The following EFNA5 variants were observed in gnomAD, a reference collection of about 807,000 sequenced individuals.
EFNA5 encodes the protein ephrin-A5.
In EFNA5, 5 loss-of-function variants were observed where a neutral mutation model predicts 22.9. The observed-to-expected ratio is 0.22, with a 90% CI of 0.11 to 0.46. The LOEUF is 0.46. Among genes scored for constraint, EFNA5 ranks in the 20% least tolerant of loss-of-function variants. The pLI, the probability that EFNA5 is intolerant of heterozygous loss-of-function variation, is 0.99. For synonymous variants in EFNA5, 113 were observed against 112.2 expected, an observed-to-expected ratio of 1.01 and a Z score of -0.04; for missense variants, 237 against 293.3, an observed-to-expected ratio of 0.81 and a Z score of 1.40.
intron 1 of EFNA5, among the ~76,000 whole-genome samples, chr5:107,571,686 G>A (rs924807322): frequency 6.6e-6 from 1 of 152,124 alleles, no homozygotes; most frequent in South Asian, 2.1e-4. Context: ...GAATTTTCAT[G>A]ATCCAGTTTC....
chr5:107,528,708 T>C (rs2112449995), intron 1 of EFNA5, among the ~76,000 whole-genome samples: 1 of 152,348 alleles, frequency 6.6e-6, no homozygotes, highest in East Asian at 1.9e-4. Context: ...GTTTAACATT[T>C]CTCTCAGTGA....
At chr5:107,492,788 C>A (rs1487884453) in intron 1 of EFNA5, among the ~76,000 whole-genome samples, 1 of 152,130 alleles carries the variant, frequency 6.6e-6, no homozygotes, top group Non-Finnish European at 1.5e-5. Flanking sequence ...CATCTGAGGT[C>A]AGGAGTTTGA....
intron 1 of EFNA5, among the ~76,000 whole-genome samples, chr5:107,503,606 T>G (rs895122528): frequency 6.6e-6 from 1 of 152,252 alleles, no homozygotes; most frequent in Non-Finnish European, 1.5e-5. Flanking sequence ...TAGTAAGAAC[T>G]GTGCCACCCA....
intron 1 of EFNA5, among the ~76,000 whole-genome samples, chr5:107,572,281 A>C (rs1486667015): frequency 6.6e-6 from 1 of 152,114 alleles, no homozygotes; most frequent in African/African-American, 2.4e-5. Flanking sequence ...GGAAGGAGAA[A>C]GGAGCTCTGG....
At chr5:107,645,449 C>T (rs933525577) in intron 1 of EFNA5, among the ~76,000 whole-genome samples, 15 of 152,110 alleles carry the variant, frequency 9.9e-5, no homozygotes, top group Non-Finnish European at 1.9e-4. Context: ...AATAACTCTG[C>T]CAAATTTATA....
At chr5:107,638,268 T>C (rs937588023) in intron 1 of EFNA5, among the ~76,000 whole-genome samples, 4 of 152,122 alleles carry the variant, frequency 2.6e-5, no homozygotes, top group Admixed American at 2.6e-4. Flanking sequence ...CAACACCGCG[T>C]GATCTCACTT....
chr5:107,524,769 G>A (rs527288886), intron 1 of EFNA5, among the ~76,000 whole-genome samples: 18 of 152,126 alleles, frequency 1.2e-4, no homozygotes, highest in Admixed American at 1.2e-3. Context: ...GTGCAGAAGG[G>A]ATGTCCTTTT....
chr5:107,476,057 T>TATATATATATGTATATATATATATATATG, intron 1 of EFNA5, among the ~76,000 whole-genome samples: 6 of 100,430 alleles, frequency 6.0e-5, no homozygotes, highest in Non-Finnish European at 1.1e-4. Flanking sequence ...TATATATATA[T>TATATATATATGTATATATATATATATATG]TTTTTTTTTT....
chr5:107,437,825 C>A (rs1749156422), intron 1 of EFNA5, among the ~76,000 whole-genome samples: 2 of 152,106 alleles, frequency 1.3e-5, no homozygotes, highest in Middle Eastern at 3.4e-3. Flanking sequence ...ATATTATAAA[C>A]AAAGGTCAAG....
intron 1 of EFNA5, among the ~76,000 whole-genome samples, chr5:107,666,912 T>C (rs1017225073): frequency 3.3e-5 from 5 of 152,120 alleles, no homozygotes; most frequent in African/African-American, 1.2e-4. Context: ...TAAGCATAGC[T>C]ACTAAAGGAG....
chr5:107,383,583 C>T (rs112899736), intron 4 of EFNA5, among the ~76,000 whole-genome samples: 1,814 of 152,330 alleles, frequency 0.012, 25 homozygotes, highest in Admixed American at 0.015. Flanking sequence ...CATACTTAAA[C>T]ACCTGAAATT....
chr5:107,433,131 A>T (rs1435161957), intron 1 of EFNA5, among the ~76,000 whole-genome samples: 1 of 152,152 alleles, frequency 6.6e-6, no homozygotes, highest in Non-Finnish European at 1.5e-5. Flanking sequence ...AGGAGTCAAA[A>T]GTTATACCTG....
intron 1 of EFNA5, among the ~76,000 whole-genome samples, chr5:107,600,648 C>T (rs889063444): frequency 1.3e-5 from 2 of 151,606 alleles, no homozygotes; most frequent in Admixed American, 1.3e-4. Flanking sequence ...CACCATGCCC[C>T]CTTAATTTTT....
At chr5:107,587,471 T>C (rs1173770364) in intron 1 of EFNA5, among the ~76,000 whole-genome samples, 1 of 152,216 alleles carries the variant, frequency 6.6e-6, no homozygotes, top group Non-Finnish European at 1.5e-5. Context: ...TATCATGCTC[T>C]AAGACAATGA....
chr5:107,638,368 A>C (rs903543008), intron 1 of EFNA5, among the ~76,000 whole-genome samples: 5 of 152,200 alleles, frequency 3.3e-5, no homozygotes, highest in Non-Finnish European at 5.9e-5. Context: ...GAAAGTAGAG[A>C]GATGTTAGTC....
rs576760759 is a variant in EFNA5, at chr5:107,411,840, G to A, written c.418+15377C>T. Among the ~76,000 whole-genome samples, 74 of 152,266 alleles carry A rather than the reference G, an allele frequency of 4.9e-4. 1 individual carries two copies. The highest frequency in any genetic ancestry group is 3.4e-3 in the Middle Eastern group (1 of 294). Reference sequence around the variant, plus strand: ...TCCTGCCTTGGCTTCCTAAAGCACTGGAATTACAAGGTGTGAGCCAACATA... The same window carrying A: ...TCCTGCCTTGGCTTCCTAAAGCACTAGAATTACAAGGTGTGAGCCAACATA... On this transcript the variant is annotated intron_variant, in intron 2 of 4. Transcript: ENST00000333274.
chr5:107,497,566 C>T (rs1747019245), intron 1 of EFNA5, among the ~76,000 whole-genome samples: 1 of 152,154 alleles, frequency 6.6e-6, no homozygotes, highest in African/African-American at 2.4e-5. Flanking sequence ...GCATAAGATG[C>T]TTGTTTGGTG....
At chr5:107,465,556 G>C (rs1039563098) in intron 1 of EFNA5, among the ~76,000 whole-genome samples, 2 of 152,114 alleles carry the variant, frequency 1.3e-5, no homozygotes, top group Admixed American at 1.3e-4. Flanking sequence ...ATGGAGTGAT[G>C]ACAGTTAGCT....
intron 1 of EFNA5, among the ~76,000 whole-genome samples, chr5:107,464,475 A>C (rs1168270481): frequency 6.6e-6 from 1 of 152,138 alleles, no homozygotes; most frequent in Non-Finnish European, 1.5e-5. Context: ...CGGGGAGCAA[A>C]GGGGAGAAAT....
Sources: allele counts gnomAD v4.1 joint callset (sites outside exome capture counted in the v4.1 genomes callset), GRCh38; gene constraint gnomAD v4.1.1; transcripts MANE v1.5; gene names NCBI Gene and HGNC (gene_info 2026-07-23, HGNC 2026-07-21).